Variants in PACRG observed in about 807,000 individuals in gnomAD.
PACRG encodes parkin coregulated gene protein.
PACRG carries 29 observed loss-of-function variants against 29.7 expected under a neutral mutation model. The ratio of observed to expected loss-of-function variants is 0.98; its 90% CI spans 0.73 to 1.33. The LOEUF (loss-of-function observed/expected upper bound fraction) is 1.33, where lower values mean the gene tolerates loss of function less well. PACRG is among the 40% of genes most tolerant of loss of function. PACRG has a pLI of 0.00. For missense variants in PACRG, 279 were observed against 316.2 expected, an observed-to-expected ratio of 0.88 and a Z score of 0.89; for synonymous variants, 116 against 118.7, an observed-to-expected ratio of 0.98 and a Z score of 0.15.
At chr6:162,749,566 G>A (rs956790475) in intron 1 of PACRG, among the ~76,000 whole-genome samples, 1 of 152,006 alleles carries the variant, frequency 6.6e-6, no homozygotes, top group East Asian at 1.9e-4. Flanking sequence ...TGTCGCCCAG[G>A]CTGGAGTGCA....
chr6:162,728,536 G>C, intron 1 of PACRG, 145 bp downstream of exon 1: 1 of 954,270 alleles, frequency 1.0e-6, no homozygotes, highest in Non-Finnish European at 1.5e-6. Flanking sequence ...AGTAGCAAAC[G>C]GTGCCCCACA....
chr6:163,050,182 GC>G (rs1809851252), intron 2 of PACRG, among the ~76,000 whole-genome samples: 1 of 151,932 alleles, frequency 6.6e-6, no homozygotes, highest in Admixed American at 6.6e-5. Context: ...TATTTACCCA[GC>G]CTTCAAGATA....
chr6:163,142,318 C>T (rs923671315), intron 4 of PACRG, among the ~76,000 whole-genome samples: 1 of 151,822 alleles, frequency 6.6e-6, no homozygotes, highest in African/African-American at 2.4e-5. Context: ...AGAATGAGCA[C>T]AAGAAAAAAG....
intron 4 of PACRG, among the ~76,000 whole-genome samples, chr6:163,305,183 A>G (rs1350884264): frequency 6.6e-6 from 1 of 152,236 alleles, no homozygotes; most frequent in African/African-American, 2.4e-5. Context: ...TCCAGCAAGA[A>G]CTGTTGGAGA....
chr6:163,150,693 C>A (rs191464707), intron 4 of PACRG, among the ~76,000 whole-genome samples: 92 of 152,346 alleles, frequency 6.0e-4, no homozygotes, highest in African/African-American at 2.2e-3. Context: ...TGATTTCAGC[C>A]CAGCAATTGT....
chr6:162,831,053 C>T (rs1788727803), intron 2 of PACRG, among the ~76,000 whole-genome samples: 2 of 152,078 alleles, frequency 1.3e-5, no homozygotes, highest in African/African-American at 4.8e-5. Context: ...TGTGAGAATC[C>T]CATAGATTAT....
intron 2 of PACRG, among the ~76,000 whole-genome samples, chr6:162,935,965 T>A (rs539496179): frequency 6.6e-6 from 1 of 152,290 alleles, no homozygotes; most frequent in African/African-American, 2.4e-5. Context: ...TCTATTTTCA[T>A]GCTGCTGATG....
At chr6:163,045,539 G>A (rs1476717477) in intron 2 of PACRG, among the ~76,000 whole-genome samples, 4 of 151,442 alleles carry the variant, frequency 2.6e-5, no homozygotes, top group South Asian at 4.2e-4. Flanking sequence ...TAGCCAGGAT[G>A]GTCTTGATCT....
intron 4 of PACRG, among the ~76,000 whole-genome samples, chr6:163,276,992 C>T (rs1243614091): frequency 6.6e-6 from 1 of 152,216 alleles, no homozygotes. Context: ...CATATTCGTT[C>T]TGTTTCAGTG....
intron 2 of PACRG, among the ~76,000 whole-genome samples, chr6:162,951,472 G>A (rs776837573): frequency 2.0e-5 from 3 of 152,140 alleles, no homozygotes; most frequent in Non-Finnish European, 4.4e-5. Flanking sequence ...AGCAGTTGGC[G>A]GGGAGGGATT....
chr6:163,054,894 C>G (rs533820964), intron 2 of PACRG, among the ~76,000 whole-genome samples: 4 of 152,176 alleles, frequency 2.6e-5, no homozygotes, highest in South Asian at 2.1e-4. Context: ...CCGCCTCCCC[C>G]CTGGCTGTCT....
intron 4 of PACRG, among the ~76,000 whole-genome samples, chr6:163,223,869 T>G (rs1285960573): frequency 6.6e-6 from 1 of 152,144 alleles, no homozygotes; most frequent in Non-Finnish European, 1.5e-5. Flanking sequence ...AAAAATAAAG[T>G]AGAAACAGAG....
intron 4 of PACRG, among the ~76,000 whole-genome samples, chr6:163,124,463 A>G (rs986510099): frequency 3.3e-5 from 5 of 152,246 alleles, no homozygotes; most frequent in African/African-American, 1.2e-4. Context: ...TCTGGAGCCA[A>G]CTATGTGACC....
intron 4 of PACRG, among the ~76,000 whole-genome samples, chr6:163,226,071 C>G (rs1012521439): frequency 9.2e-5 from 14 of 152,096 alleles, no homozygotes; most frequent in Non-Finnish European, 2.1e-4. Flanking sequence ...CATGAATAAA[C>G]CTGGAGGACA....
At chr6:162,864,013 G>A (rs1428197543) in intron 2 of PACRG, among the ~76,000 whole-genome samples, 1 of 152,006 alleles carries the variant, frequency 6.6e-6, no homozygotes, top group Non-Finnish European at 1.5e-5. Context: ...TCTCTATGGA[G>A]CCAAGGAATT....
chr6:163,015,860 G>T (rs1806049694), intron 2 of PACRG, among the ~76,000 whole-genome samples: 1 of 152,052 alleles, frequency 6.6e-6, no homozygotes, highest in Non-Finnish European at 1.5e-5. Context: ...ATTTTAAAAG[G>T]AGTGTTATCT....
chr6:162,787,580 G>GTATCTATATATATATATATA (rs746185048), intron 1 of PACRG, among the ~76,000 whole-genome samples: 7 of 69,162 alleles, frequency 1.0e-4, no homozygotes, highest in Admixed American at 1.6e-4. Flanking sequence ...GTGTGTGTGT[G>GTATCTATATATATATATATA]TGTATATATA....
intron 2 of PACRG, among the ~76,000 whole-genome samples, chr6:163,048,126 TC>T (rs1809595555): frequency 6.6e-6 from 1 of 152,186 alleles, no homozygotes; most frequent in Non-Finnish European, 1.5e-5. Context: ...AGCCATATCA[TC>T]CTCAAATATA....
At chr6:162,981,252 T>G (rs1270503362) in intron 2 of PACRG, among the ~76,000 whole-genome samples, 1 of 150,612 alleles carries the variant, frequency 6.6e-6, no homozygotes, top group Non-Finnish European at 1.5e-5. Flanking sequence ...TTCCATGGTG[T>G]ATATCTATAA....
Sources: gnomAD v4.1 joint callset for allele counts (sites outside exome capture counted in the v4.1 genomes callset) on GRCh38, gnomAD v4.1.1 for gene constraint, MANE v1.5 for transcripts, NCBI Gene and HGNC (gene_info 2026-07-23, HGNC 2026-07-21) for gene names.